The following LINGO2 variants were observed in gnomAD, a reference collection of about 807,000 sequenced individuals.
LINGO2 encodes leucine rich repeat and Ig domain containing 2.
In LINGO2, 14 loss-of-function variants were observed where a neutral mutation model predicts 30.6. The ratio of observed to expected loss-of-function variants is 0.46; its 90% confidence interval spans 0.30 to 0.72. The LOEUF (loss-of-function observed/expected upper bound fraction) is 0.72, where lower values mean the gene tolerates loss of function less well. Among genes scored for constraint, LINGO2 ranks in the 30% least tolerant of loss-of-function variants. The pLI is 0.07. For missense variants in LINGO2, 729 were observed against 751.7 expected, an observed-to-expected ratio of 0.97 and a Z score of 0.35; for synonymous variants, 317 against 288.5, an observed-to-expected ratio of 1.10 and a Z score of -1.00.
At chr9:29,166,711 A>C in the LINGO2 span, among the ~76,000 whole-genome samples, 1 of 152,112 alleles carries the variant, frequency 6.6e-6, no homozygotes, top group African/African-American at 2.4e-5. Context: ...ATGTTTTATA[A>C]ACTCCTTACA....
At chr9:28,720,362 G>T in the LINGO2 span, among the ~76,000 whole-genome samples, 19 of 152,102 alleles carry the variant, frequency 1.2e-4, no homozygotes, top group Admixed American at 2.0e-4. Flanking sequence ...TTCCTTTCAA[G>T]GTTCATGCCA....
At chr9:28,672,424 C>T (rs138622958), upstream of LINGO2, among the ~76,000 whole-genome samples, 7 of 152,162 alleles carry the variant, frequency 4.6e-5, no homozygotes, top group East Asian at 5.8e-4. Flanking sequence ...GGAAGCTCAC[C>T]GTAACAAGTG....
chr9:29,116,773 C>G, the LINGO2 span, among the ~76,000 whole-genome samples: 60 of 152,054 alleles, frequency 3.9e-4, no homozygotes, highest in African/African-American at 1.4e-3. Flanking sequence ...ACAAAGTACA[C>G]TATTTCATTT....
chr9:28,625,106 C>T (rs936861091), intron 1 of LINGO2, among the ~76,000 whole-genome samples: 1 of 151,970 alleles, frequency 6.6e-6, no homozygotes, highest in Non-Finnish European at 1.5e-5. Flanking sequence ...TCTAGGACCC[C>T]AGAGCCCTTT....
the LINGO2 span, among the ~76,000 whole-genome samples, chr9:29,174,038 AC>A: frequency 4.7e-4 from 71 of 152,200 alleles, 2 homozygotes; most frequent in Admixed American, 1.7e-3. Context: ...TTTATAAAAA[AC>A]TATTAAACAG....
intron 2 of LINGO2, among the ~76,000 whole-genome samples, chr9:28,396,694 A>G (rs1428556442): frequency 1.2e-5 from 1 of 85,042 alleles, no homozygotes; most frequent in African/African-American, 4.1e-5. Context: ...ACAGAGCGAG[A>G]CTCCATCTCA....
chr9:28,690,310 A>G, the LINGO2 span, among the ~76,000 whole-genome samples: 1 of 152,196 alleles, frequency 6.6e-6, no homozygotes, highest in African/African-American at 2.4e-5. Context: ...GCCTTGGGTG[A>G]CCTATGAGCA....
chr9:28,550,622 T>C (rs779273552), intron 1 of LINGO2, among the ~76,000 whole-genome samples: 3 of 151,842 alleles, frequency 2.0e-5, no homozygotes, highest in East Asian at 1.9e-4. Flanking sequence ...TTGTTTCTTC[T>C]TGGGCTTTGA....
chr9:28,306,704 A>G (rs1824374063), intron 3 of LINGO2, among the ~76,000 whole-genome samples: 1 of 152,232 alleles, frequency 6.6e-6, no homozygotes, highest in Non-Finnish European at 1.5e-5. Flanking sequence ...AGAAGAAAAG[A>G]GAGAAGAATC....
At chr9:28,227,772 A>C (rs1053202533) in intron 4 of LINGO2, among the ~76,000 whole-genome samples, 1 of 152,066 alleles carries the variant, frequency 6.6e-6, no homozygotes. Context: ...TGGGGATTCC[A>C]GTGTGAGCAA....
chr9:28,768,592 C>T, the LINGO2 span, among the ~76,000 whole-genome samples: 1 of 147,320 alleles, frequency 6.8e-6, no homozygotes, highest in Non-Finnish European at 1.5e-5. Context: ...TATTTCCAGA[C>T]CTGTTTAGTA....
chr9:28,777,218 A>T, the LINGO2 span, among the ~76,000 whole-genome samples: 1 of 152,182 alleles, frequency 6.6e-6, no homozygotes, highest in East Asian at 1.9e-4. Context: ...AGCAATGTAA[A>T]AAGGGATTAA....
At chr9:29,056,318 T>C in the LINGO2 span, among the ~76,000 whole-genome samples, 1 of 152,194 alleles carries the variant, frequency 6.6e-6, no homozygotes, top group Non-Finnish European at 1.5e-5. Flanking sequence ...GGTATCACAC[T>C]GTAGTTTTGA....
chr9:29,125,336 T>G, the LINGO2 span, among the ~76,000 whole-genome samples: 17 of 152,026 alleles, frequency 1.1e-4, no homozygotes, highest in African/African-American at 3.9e-4. Flanking sequence ...AGATGACGTG[T>G]TGATAGGTGC....
intron 4 of LINGO2, among the ~76,000 whole-genome samples, chr9:28,192,193 GTGTA>G (rs1045475360): frequency 1.3e-5 from 2 of 151,880 alleles, no homozygotes; most frequent in African/African-American, 2.4e-5. Context: ...TCTCTCAAAT[GTGTA>G]TGTGTGTATA....
intron 4 of LINGO2, among the ~76,000 whole-genome samples, chr9:28,199,456 A>C (rs1254927319): frequency 2.0e-5 from 3 of 151,498 alleles, no homozygotes; most frequent in Admixed American, 2.0e-4. Context: ...CTCCTGCCTC[A>C]GCCTCCCGAG....
intron 4 of LINGO2, among the ~76,000 whole-genome samples, chr9:28,252,964 G>T (rs1822257039): frequency 6.6e-6 from 1 of 151,792 alleles, no homozygotes; most frequent in Non-Finnish European, 1.5e-5. Flanking sequence ...AAGAAAACTA[G>T]CATTTGGAGA....
At chr9:28,140,266 T>C (rs1376659372) in intron 4 of LINGO2, among the ~76,000 whole-genome samples, 1 of 152,172 alleles carries the variant, frequency 6.6e-6, no homozygotes. Flanking sequence ...AGAAACATCT[T>C]TCCCCCCAAA....
In LINGO2 at chr9:28,329,887, T is replaced by A. The variant is rs1825359803; in HGVS notation, c.-245-34521A>T. On this transcript the variant is annotated intron_variant, in intron 3 of 5. Coordinates refer to ENST00000379992, the Ensembl canonical transcript of LINGO2. This position sits in a 1 kb window ranked among gnomAD's most constrained non-coding sequence, Gnocchi z 4.5. ...GCTCTATGAAACTTTATTTGTCTAT[T>A]TGTGTATTTAGCTCTTCCAATAGAC... Among the ~76,000 whole-genome samples, 1 of 152,180 alleles carries A rather than the reference T, an allele frequency of 6.6e-6. No individual in the cohort carries two copies. Among genetic ancestry groups the A allele is most frequent in the African/African-American group, 2.4e-5 (1 of 41,450 alleles).
Sources: allele counts gnomAD v4.1 joint callset (sites outside exome capture counted in the v4.1 genomes callset), GRCh38; gene constraint gnomAD v4.1.1; non-coding constraint Gnocchi (gnomAD v3.1); transcripts MANE v1.5; gene names NCBI Gene and HGNC (gene_info 2026-07-23, HGNC 2026-07-21).